The following AK5 variants were observed in gnomAD, a reference collection of about 807,000 sequenced individuals.
The protein encoded by AK5 is adenylate kinase isoenzyme 5.
AK5 carries 27 observed loss-of-function variants against 69.5 expected under a neutral mutation model. The ratio of observed to expected loss-of-function variants is 0.39; its 90% confidence interval spans 0.29 to 0.54. AK5 has a LOEUF of 0.54. Among genes scored for constraint, AK5 ranks in the 20% least tolerant of loss-of-function variants. The pLI is 0.71. For missense variants in AK5, 531 were observed against 700.4 expected, an observed-to-expected ratio of 0.76 and a Z score of 2.73; for synonymous variants, 260 against 244.4, an observed-to-expected ratio of 1.06 and a Z score of -0.60.
chr1:77,298,932 G>A (rs752713340), intron 5 of AK5, among the ~76,000 whole-genome samples: 2 of 152,020 alleles, frequency 1.3e-5, no homozygotes, highest in Admixed American at 6.6e-5. Flanking sequence ...CTCCCATTCC[G>A]CTGCTCCTCC....
intron 6 of AK5, among the ~76,000 whole-genome samples, chr1:77,352,766 G>A (rs554021995): frequency 2.5e-3 from 388 of 152,328 alleles, no homozygotes; most frequent in Admixed American, 4.6e-3. Context: ...ACAGAAGGAA[G>A]TGAAGAAAAG....
chr1:77,310,169 C>T (rs1659864765), intron 5 of AK5, among the ~76,000 whole-genome samples: 1 of 152,064 alleles, frequency 6.6e-6, no homozygotes, highest in Admixed American at 6.5e-5. Flanking sequence ...AAAATGTATT[C>T]AGTGGTCCAA....
At chr1:77,444,588 C>T (rs1474183299) in intron 8 of AK5, among the ~76,000 whole-genome samples, 294 of 8,946 alleles carry the variant, frequency 0.033, 31 homozygotes, top group Admixed American at 0.046. Flanking sequence ...ATAGTATATA[C>T]ATAGTATAAA....
At chr1:77,435,190 GT>G (rs1156564379) in intron 8 of AK5, among the ~76,000 whole-genome samples, 1 of 152,206 alleles carries the variant, frequency 6.6e-6, no homozygotes, top group Non-Finnish European at 1.5e-5. Context: ...GCAGAAGGCA[GT>G]GTTGTATGAC....
intron 6 of AK5, among the ~76,000 whole-genome samples, chr1:77,405,306 G>A (rs911681420): frequency 6.6e-6 from 1 of 152,232 alleles, no homozygotes; most frequent in African/African-American, 2.4e-5. Context: ...ACACGGGAGA[G>A]CAGAAACTCC....
intron 7 of AK5, among the ~76,000 whole-genome samples, chr1:77,417,387 TTAA>T (rs1650501937): frequency 6.6e-6 from 1 of 152,186 alleles, no homozygotes; most frequent in Non-Finnish European, 1.5e-5. Context: ...TGCTGAACCT[TTAA>T]TAATAACTCT....
At chr1:77,386,862 G>A (rs1042143227) in intron 6 of AK5, among the ~76,000 whole-genome samples, 6 of 151,912 alleles carry the variant, frequency 3.9e-5, no homozygotes, top group African/African-American at 1.2e-4. Context: ...ACCCTTCCCA[G>A]TCTCTATTAT....
chr1:77,530,418 G>A (rs905310931), intron 12 of AK5, among the ~76,000 whole-genome samples: 1 of 152,208 alleles, frequency 6.6e-6, no homozygotes, highest in Non-Finnish European at 1.5e-5. Flanking sequence ...ATGAGAAATA[G>A]GCATGCCACT....
At chr1:77,323,089 G>C (rs893212596) in intron 5 of AK5, among the ~76,000 whole-genome samples, 7 of 151,818 alleles carry the variant, frequency 4.6e-5, no homozygotes, top group African/African-American at 1.7e-4. Flanking sequence ...CCAGGTTCAA[G>C]CAGTTCTCCT....
intron 10 of AK5, among the ~76,000 whole-genome samples, chr1:77,499,581 G>A (rs1656576452): frequency 6.6e-6 from 1 of 152,118 alleles, no homozygotes; most frequent in Non-Finnish European, 1.5e-5. Context: ...AAGCTGGTGG[G>A]GAAGAGCCAC....
intron 5 of AK5, among the ~76,000 whole-genome samples, chr1:77,320,344 C>A (rs758898243): frequency 6.6e-6 from 1 of 152,048 alleles, no homozygotes; most frequent in Non-Finnish European, 1.5e-5. Flanking sequence ...TCTACCATAA[C>A]GGAAAGATTA....
At chr1:77,511,538 G>A (rs1657347317) in intron 10 of AK5, among the ~76,000 whole-genome samples, 2 of 152,296 alleles carry the variant, frequency 1.3e-5, no homozygotes, top group African/African-American at 2.4e-5. Context: ...ATGTGTTGAA[G>A]GACAGTGGGA....
At chr1:77,531,979 CCTGCGGCCATCCGG>C (rs1386365082) in intron 12 of AK5, 10 of 130,092 alleles carry the variant, frequency 7.7e-5, no homozygotes, top group African/African-American at 2.5e-4. Flanking sequence ...CCCCTCACTG[CCTGCGGCCATCCGG>C]CCGGCCGGCC....
At chr1:77,555,191 T>A (rs1660036154) in intron 13 of AK5, among the ~76,000 whole-genome samples, 1 of 152,082 alleles carries the variant, frequency 6.6e-6, no homozygotes, top group African/African-American at 2.4e-5. Flanking sequence ...GGCAGGAGAA[T>A]CGCCTGAACT....
intron 10 of AK5, among the ~76,000 whole-genome samples, chr1:77,510,433 T>A (rs1385995316): frequency 6.6e-6 from 1 of 151,622 alleles, no homozygotes; most frequent in Non-Finnish European, 1.5e-5. Context: ...AATTTCAGAA[T>A]GTGATGAGGT....
At chr1:77,533,509 C>CAAAAAAAAAAAAAAAA (rs10526328) in intron 12 of AK5, among the ~76,000 whole-genome samples, 7 of 94,940 alleles carry the variant, frequency 7.4e-5, no homozygotes, top group African/African-American at 3.5e-4. Context: ...ACTCTGTCAC[C>CAAAAAAAAAAAAAAAA]AAAAAAAAAA....
chr1:77,470,860 TATATATATATATA>T (rs1299307161), intron 8 of AK5, among the ~76,000 whole-genome samples: 90 of 3,396 alleles, frequency 0.027, 6 homozygotes, highest in Non-Finnish European at 0.041. Context: ...TATATATATA[TATATATATATATA>T]TATTTTTTTT....
At chr1:77,329,251 T>G (rs1429544043) in intron 5 of AK5, among the ~76,000 whole-genome samples, 1 of 150,682 alleles carries the variant, frequency 6.6e-6, no homozygotes, top group African/African-American at 2.4e-5. Context: ...ATTGATACAC[T>G]TTGGATTTTT....
At chr1:77,459,247 C>G (rs997963554) in intron 8 of AK5, among the ~76,000 whole-genome samples, 1 of 152,120 alleles carries the variant, frequency 6.6e-6, no homozygotes, top group Non-Finnish European at 1.5e-5. Flanking sequence ...TTCTCACTGC[C>G]CTTAAGATGA....
Sources: allele counts gnomAD v4.1 joint callset (sites outside exome capture counted in the v4.1 genomes callset), GRCh38; gene constraint gnomAD v4.1.1; transcripts MANE v1.5; gene names NCBI Gene and HGNC (gene_info 2026-07-23, HGNC 2026-07-21).